MTUS2: variants seen among roughly 807,000 people sequenced by gnomAD.
MTUS2 encodes microtubule associated scaffold protein 2.
A neutral mutation model predicts 114.1 loss-of-function variants in MTUS2; 40 were observed. The observed-to-expected ratio is 0.35, with a 90% CI of 0.27 to 0.46. The LOEUF (loss-of-function observed/expected upper bound fraction) is 0.46, where lower values mean the gene tolerates loss of function less well. MTUS2 is among the 20% of genes least tolerant of loss of function. MTUS2 has a pLI of 1.00. For missense variants in MTUS2, 1,679 were observed against 1,705.4 expected, an observed-to-expected ratio of 0.98 and a Z score of 0.27; for synonymous variants, 688 against 672.0, an observed-to-expected ratio of 1.02 and a Z score of -0.37.
At chr13:29,183,339 C>T (rs1166050210) in intron 5 of MTUS2, among the ~76,000 whole-genome samples, 1 of 151,796 alleles carries the variant, frequency 6.6e-6, no homozygotes, top group African/African-American at 2.4e-5. Context: ...GAGCTGTCAT[C>T]AATGGAGATG....
At chr13:29,363,713 A>C (rs960408462) in intron 8 of MTUS2, among the ~76,000 whole-genome samples, 1 of 152,124 alleles carries the variant, frequency 6.6e-6, no homozygotes, top group Non-Finnish European at 1.5e-5. Context: ...TTGAACTTCA[A>C]CCTTTCACCT....
chr13:29,047,304 A>G (rs1887670521), intron 4 of MTUS2, among the ~76,000 whole-genome samples: 1 of 152,172 alleles, frequency 6.6e-6, no homozygotes, highest in Non-Finnish European at 1.5e-5. Context: ...GCACCAACAC[A>G]TCAGAGCTCT....
chr13:28,843,102 C>T (rs1165152348), intron 2 of MTUS2, among the ~76,000 whole-genome samples: 1 of 152,132 alleles, frequency 6.6e-6, no homozygotes, highest in African/African-American at 2.4e-5. Context: ...CCTGTCTCAT[C>T]CCCCAGAGCT....
chr13:28,933,747 A>G (rs1881747631), intron 2 of MTUS2, among the ~76,000 whole-genome samples: 1 of 152,328 alleles, frequency 6.6e-6, no homozygotes, highest in Non-Finnish European at 1.5e-5. Flanking sequence ...AAACAAGGAA[A>G]CAAATGCTCA....
intron 4 of MTUS2, among the ~76,000 whole-genome samples, chr13:29,050,305 CTTA>C: frequency 6.6e-6 from 1 of 152,262 alleles, no homozygotes; most frequent in East Asian, 1.9e-4. Flanking sequence ...GGAACTCCCC[CTTA>C]TGCAAGTCCT....
intron 8 of MTUS2, among the ~76,000 whole-genome samples, chr13:29,437,036 T>G (rs772943377): frequency 6.6e-6 from 1 of 152,134 alleles, no homozygotes; most frequent in African/African-American, 2.4e-5. Flanking sequence ...AGCCACTCCT[T>G]CCCCACAGGC....
At chr13:29,091,432 C>T (rs1889943481) in intron 4 of MTUS2, among the ~76,000 whole-genome samples, 2 of 152,098 alleles carry the variant, frequency 1.3e-5, no homozygotes, top group African/African-American at 4.8e-5. Flanking sequence ...TATTTAAGGT[C>T]CTGTGGAGTT....
intron 2 of MTUS2, among the ~76,000 whole-genome samples, chr13:28,890,930 C>T (rs1878882887): frequency 1.3e-5 from 2 of 152,070 alleles, no homozygotes; most frequent in Admixed American, 1.3e-4. Context: ...TGCATTTTAC[C>T]CTTTGACATC....
intron 2 of MTUS2, among the ~76,000 whole-genome samples, chr13:28,884,963 T>C (rs1878505967): frequency 7.2e-6 from 1 of 138,432 alleles, no homozygotes; most frequent in Non-Finnish European, 1.5e-5. Flanking sequence ...CGTCCTCACC[T>C]GTGTGTGTGT....
At chr13:29,080,906 A>G (rs1489916077) in intron 4 of MTUS2, among the ~76,000 whole-genome samples, 4 of 152,056 alleles carry the variant, frequency 2.6e-5, no homozygotes, top group African/African-American at 9.7e-5. Context: ...TTGTATTTTT[A>G]GTAGAGATGG....
intron 9 of MTUS2, among the ~76,000 whole-genome samples, chr13:29,451,232 A>G (rs1430921382): frequency 6.6e-6 from 1 of 152,258 alleles, no homozygotes; most frequent in Non-Finnish European, 1.5e-5. Flanking sequence ...TTCAAAGTAT[A>G]CAAAATGTTT....
chr13:28,932,005 G>C (rs1326259081), intron 2 of MTUS2, among the ~76,000 whole-genome samples: 1 of 152,070 alleles, frequency 6.6e-6, no homozygotes, highest in African/African-American at 2.4e-5. Flanking sequence ...TATAAGTACT[G>C]CAGGTCACCT....
intron 4 of MTUS2, among the ~76,000 whole-genome samples, chr13:29,054,454 G>A (rs1888037791): frequency 6.6e-6 from 1 of 151,868 alleles, no homozygotes; most frequent in African/African-American, 2.4e-5. Flanking sequence ...CTTAAATAAG[G>A]TACCTTGACT....
intron 5 of MTUS2, among the ~76,000 whole-genome samples, chr13:29,225,191 C>T (rs1300589479): frequency 1.3e-5 from 2 of 152,234 alleles, no homozygotes; most frequent in Non-Finnish European, 2.9e-5. Flanking sequence ...GCTGAAGGCT[C>T]AAGCCCTTCC....
chr13:29,110,679 C>G lies in MTUS2; in HGVS notation c.2644+9709C>G, dbSNP rs532100011. Reference sequence around the variant, plus strand: ...TTTACAAAGGAGAACATTTTTTTTTCTGAGTGTTTTTGAGCATTGCCTTTA... The same window carrying G: ...TTTACAAAGGAGAACATTTTTTTTTGTGAGTGTTTTTGAGCATTGCCTTTA... On this transcript the variant is annotated intron_variant, in intron 5 of 15. Transcript: ENST00000612955. Among the ~76,000 whole-genome samples the G allele has an allele frequency of 6.0e-5, 9 of 151,084 alleles. No homozygotes were observed. The South Asian group carries it at 1.0e-3, about 18-fold the overall frequency.
chr13:29,311,899 GC>G (rs1352625169), intron 6 of MTUS2, among the ~76,000 whole-genome samples: 2 of 152,160 alleles, frequency 1.3e-5, no homozygotes, highest in African/African-American at 4.8e-5. Context: ...AAGAATATTT[GC>G]CTTGGTCTAG....
At chr13:29,257,232 A>G (rs554924471) in intron 5 of MTUS2, among the ~76,000 whole-genome samples, 2 of 152,188 alleles carry the variant, frequency 1.3e-5, no homozygotes, top group Non-Finnish European at 2.9e-5. Flanking sequence ...TCAGTCCTTT[A>G]TTGAAAACTT....
chr13:29,367,443 G>T (rs9579359), intron 8 of MTUS2, among the ~76,000 whole-genome samples: 5 of 152,030 alleles, frequency 3.3e-5, no homozygotes, highest in African/African-American at 1.2e-4. Context: ...AGGAGGCACT[G>T]GTGGAGGCAG....
intron 8 of MTUS2, among the ~76,000 whole-genome samples, chr13:29,369,702 C>T (rs987179192): frequency 2.0e-5 from 3 of 152,182 alleles, no homozygotes; most frequent in African/African-American, 7.2e-5. Flanking sequence ...CACTTCTGCC[C>T]TCCCAGGAGA....
Sources: allele counts gnomAD v4.1 joint callset (sites outside exome capture counted in the v4.1 genomes callset), GRCh38; gene constraint gnomAD v4.1.1; transcripts MANE v1.5; gene names NCBI Gene and HGNC (gene_info 2026-07-23, HGNC 2026-07-21).